BLTP3A: variants seen among roughly 807,000 people sequenced by gnomAD.
BLTP3A encodes ICBP90 binding protein 1.
chr6:34,858,656 C>T, the BLTP3A span: 1 of 1,614,102 alleles, frequency 6.2e-7, no homozygotes, highest in South Asian at 1.1e-5. Flanking sequence ...GCTCTTGCCC[C>T]TGACTCTATG....
At chr6:34,858,378 C>G in the BLTP3A span, 2 of 1,614,160 alleles carry the variant, frequency 1.2e-6, no homozygotes, top group Non-Finnish European at 1.7e-6. Context: ...AGATGGATTC[C>G]TGCCTGCCTC....
chr6:34,805,606 A>C, the BLTP3A span, among the ~76,000 whole-genome samples: 1 of 150,616 alleles, frequency 6.6e-6, no homozygotes, highest in Admixed American at 6.6e-5. Flanking sequence ...AAAAAAAAAA[A>C]AAAAAGATAA....
At chr6:34,856,941 A>G in the BLTP3A span, 2 of 1,608,184 alleles carry the variant, frequency 1.2e-6, no homozygotes, top group Non-Finnish European at 1.7e-6. Context: ...TGAGGACATG[A>G]GGAAACATGG....
chr6:34,805,735 C>CAAAA, the BLTP3A span, among the ~76,000 whole-genome samples: 2 of 73,732 alleles, frequency 2.7e-5, no homozygotes, highest in Non-Finnish European at 5.5e-5. Flanking sequence ...GACCCTATCT[C>CAAAA]AAAAAAAAAA....
At chr6:34,832,548 A>G in the BLTP3A span, among the ~76,000 whole-genome samples, 1 of 150,184 alleles carries the variant, frequency 6.7e-6, no homozygotes. Context: ...CGATCCTCCT[A>G]TCTTAGCCTC....
the BLTP3A span, among the ~76,000 whole-genome samples, chr6:34,818,206 C>T: frequency 6.6e-6 from 1 of 152,142 alleles, no homozygotes; most frequent in South Asian, 2.1e-4. Context: ...CAATGGCTCA[C>T]ATCTGTAATG....
the BLTP3A span, chr6:34,867,452 A>C: frequency 6.2e-7 from 1 of 1,613,846 alleles, no homozygotes; most frequent in Non-Finnish European, 8.5e-7. Context: ...AACTAAGAGA[A>C]TCTCCTTTGA....
the BLTP3A span, among the ~76,000 whole-genome samples, chr6:34,796,287 C>T: frequency 2.0e-5 from 3 of 152,270 alleles, no homozygotes; most frequent in African/African-American, 7.2e-5. Context: ...TTGGAATGCA[C>T]CCTCCTTAGT....
At chr6:34,869,462 T>A in the BLTP3A span, among the ~76,000 whole-genome samples, 1 of 152,170 alleles carries the variant, frequency 6.6e-6, no homozygotes, top group Non-Finnish European at 1.5e-5. Flanking sequence ...TACACGTGTT[T>A]ATATTAATGT....
At chr6:34,862,101 G>A in the BLTP3A span, among the ~76,000 whole-genome samples, 2 of 152,128 alleles carry the variant, frequency 1.3e-5, no homozygotes, top group Non-Finnish European at 2.9e-5. Flanking sequence ...AAAAGTGGCT[G>A]GGTGCGGTGG....
chr6:34,833,876 C>T, the BLTP3A span, among the ~76,000 whole-genome samples: 10 of 144,096 alleles, frequency 6.9e-5, no homozygotes, highest in Non-Finnish European at 1.5e-4. Context: ...TGGCCGAGAT[C>T]GCGCCACTGC....
the BLTP3A span, among the ~76,000 whole-genome samples, chr6:34,855,438 A>G: frequency 6.6e-6 from 1 of 152,190 alleles, no homozygotes. Flanking sequence ...TCCATTGGAT[A>G]TTGTAACTCA....
chr6:34,792,388 T>C, the BLTP3A span: 2 of 1,280,408 alleles, frequency 1.6e-6, no homozygotes, highest in African/African-American at 1.6e-5. Context: ...CCAGTCTGCC[T>C]CTCTCCAGCC....
chr6:34,853,548 T>C, the BLTP3A span, among the ~76,000 whole-genome samples: 1 of 151,946 alleles, frequency 6.6e-6, no homozygotes, highest in Admixed American at 6.6e-5. Context: ...TACCTCCTCC[T>C]CTAAAAATTC....
the BLTP3A span, chr6:34,874,208 T>G: frequency 3.4e-4 from 52 of 152,290 alleles, no homozygotes; most frequent in African/African-American, 1.2e-3. Flanking sequence ...TTCCAGGCAG[T>G]GAAAGGTAAT....
At chr6:34,801,633 T>G in the BLTP3A span, among the ~76,000 whole-genome samples, 66,672 of 152,078 alleles carry the variant, frequency 0.44, 16,418 homozygotes, top group African/African-American at 0.67. Context: ...TGTAGCTGAA[T>G]CCACTGTATA....
chr6:34,802,285 A>C, the BLTP3A span, among the ~76,000 whole-genome samples: 19 of 151,756 alleles, frequency 1.3e-4, no homozygotes, highest in African/African-American at 4.6e-4. Flanking sequence ...AGCTCACTGC[A>C]ACCTCTGCCT....
the BLTP3A span, chr6:34,857,836 G>A: frequency 1.2e-6 from 2 of 1,614,164 alleles, no homozygotes; most frequent in Non-Finnish European, 1.7e-6. Flanking sequence ...GCTTGGAGCA[G>A]TTCAAAGCTA....
the BLTP3A span, chr6:34,856,293 A>C: frequency 5.0e-6 from 8 of 1,614,052 alleles, no homozygotes; most frequent in South Asian, 6.6e-5. Flanking sequence ...ACCCGAGGCC[A>C]GTGGGCCCAG....
Sources: allele counts gnomAD v4.1 joint callset (sites outside exome capture counted in the v4.1 genomes callset), GRCh38; gene constraint gnomAD v4.1.1; transcripts MANE v1.5; gene names NCBI Gene and HGNC (gene_info 2026-07-23, HGNC 2026-07-21).